The following SYK variants were observed in gnomAD, a reference collection of about 807,000 sequenced individuals.
The protein encoded by SYK is spleen associated tyrosine kinase.
In SYK, 16 loss-of-function variants were observed where a neutral mutation model predicts 77.8. The observed-to-expected ratio is 0.21, with a 90% confidence interval of 0.14 to 0.31. The LOEUF (loss-of-function observed/expected upper bound fraction) is 0.31, where lower values mean the gene tolerates loss of function less well. SYK is among the 10% of genes least tolerant of loss of function. The pLI is 1.00. For missense variants in SYK, 529 were observed against 814.4 expected (o/e 0.65, Z 4.26); for synonymous variants, 312 against 308.7 (o/e 1.01, Z -0.11).
At chr9:90,864,914 G>C (rs1827420076) in intron 5 of SYK, 134 bp from the exon 6 acceptor site, 27 of 899,888 alleles carry the variant, frequency 3.0e-5, no homozygotes. Context: ...AGGGTCGAAA[G>C]AAGTACCTGC....
At chr9:90,894,313 C>T (rs532361988) in intron 13 of SYK, among the ~76,000 whole-genome samples, 12 of 152,174 alleles carry the variant, frequency 7.9e-5, no homozygotes, top group Non-Finnish European at 1.8e-4. Flanking sequence ...CACTTGGTGG[C>T]CAGAGACAAA....
intron 1 of SYK, among the ~76,000 whole-genome samples, chr9:90,815,817 C>CT (rs1377549256): frequency 6.6e-6 from 1 of 152,218 alleles, no homozygotes; most frequent in African/African-American, 2.4e-5. Flanking sequence ...TGCGCTGCTG[C>CT]TCACTTCTGC....
intron 3 of SYK, among the ~76,000 whole-genome samples, chr9:90,849,539 G>A (rs72729049): frequency 0.11 from 16,530 of 152,278 alleles, 969 homozygotes; most frequent in South Asian, 0.22. Flanking sequence ...ATGTTGGGGA[G>A]GGAATGGGGA....
At chr9:90,888,687 GGGCGTCT>G in intron 13 of SYK, 60 bp downstream of exon 13, 2 of 1,290,316 alleles carry the variant, frequency 1.6e-6, no homozygotes, top group Admixed American at 5.8e-5. Flanking sequence ...TGAAATGGTT[GGGCGTCT>G]AAAAAAAAGG....
Position 90,866,897 on chromosome 9 carries a change from C to A in SYK, c.847-234C>A, listed in dbSNP as rs568638342. 5.9e-5 allele frequency among the ~76,000 whole-genome samples: 9 copies of A among 152,246 alleles called. No homozygotes were observed. The East Asian group carries it at 9.6e-4, about 16-fold the overall frequency. ...GAATGTAACAGCTCTAATTTTGTAGCCTTCAGTGGAACATATTTCCCAAAT... is the reference window on the plus strand; with the variant it reads ...GAATGTAACAGCTCTAATTTTGTAGACTTCAGTGGAACATATTTCCCAAAT... On this transcript the variant is annotated intron_variant, in intron 6 of 13. Coordinates refer to ENST00000375754, the MANE Select transcript of SYK (RefSeq NM_003177.7).
intron 3 of SYK, among the ~76,000 whole-genome samples, chr9:90,861,295 G>A (rs778903822): frequency 6.6e-6 from 1 of 152,120 alleles, no homozygotes; most frequent in Non-Finnish European, 1.5e-5. Flanking sequence ...CTGTGTTTCT[G>A]TTCACCAGGA....
At chr9:90,837,037 T>A (rs569898123) in intron 1 of SYK, among the ~76,000 whole-genome samples, 1 of 151,956 alleles carries the variant, frequency 6.6e-6, no homozygotes, top group East Asian at 1.9e-4. Flanking sequence ...ATATGATACA[T>A]ATAACATGCA....
At position 90,896,670 on chromosome 9, in the gene SYK, T is replaced by C. The variant is rs12344755; in HGVS notation, c.*1070T>C. ...GAGTTGAAGATACAAGATCGGAGAA[T>C]GATTTTCTGGTCTTAACTAATCCTC... On this transcript the variant is annotated 3_prime_UTR_variant, in exon 14 of 14. Transcript: ENST00000375754. The C allele has an allele frequency of 0.15, 34,227 of 232,238 alleles. 3,495 individuals are homozygous for C. Among genetic ancestry groups the C allele is most frequent in the East Asian group, 0.43 (7,114 of 16,428 alleles). 14.4% of individuals were successfully genotyped at this position (232,238 alleles called of 1,614,324 possible).
chr9:90,876,956 G>T (rs139596511), intron 9 of SYK, among the ~76,000 whole-genome samples: 1 of 152,176 alleles, frequency 6.6e-6, no homozygotes, highest in African/African-American at 2.4e-5. Context: ...ACATGTCATC[G>T]TTGGTGAAGT....
At position 90,887,822 on chromosome 9, in the gene SYK, A is replaced by G. The variant is rs199801793; in HGVS notation, c.1655A>G (p.Lys552Arg). Reference sequence around the variant, plus strand: ...ATCAACTACTACAAGTTCTCCAGCAAAAGCGATGTCTGGAGCTTTGGAGTG... The same window carrying G: ...ATCAACTACTACAAGTTCTCCAGCAGAAGCGATGTCTGGAGCTTTGGAGTG... Reference protein sequence around the residue: ...ECINYYKFSSKSDVWSFGVLM... With the variant: ...ECINYYKFSSRSDVWSFGVLM... The change falls in exon 12 of 14, where the codon AAA (lysine) becomes AGA (arginine). Residue 552 changes from lysine to arginine, a missense_variant. Physicochemically the swap from Lys to Arg is conservative, Grantham distance 26 (BLOSUM62 2). Transcript: ENST00000375754. The G allele has an allele frequency of 3.1e-6, 5 of 1,613,680 alleles. No individual in the cohort carries two copies. The highest frequency in any genetic ancestry group is 3.4e-6 in the Non-Finnish European group (4 of 1,179,822).
intron 7 of SYK, among the ~76,000 whole-genome samples, chr9:90,872,603 C>T (rs1827774474): frequency 6.6e-6 from 1 of 152,184 alleles, no homozygotes. Context: ...ACAGCACAGT[C>T]CTGTAATCAT....
rs567535954 is a variant in SYK, at chr9:90,814,834, G to GCA, written c.-42+12972_-42+12973dup. 3.1e-3 allele frequency among the ~76,000 whole-genome samples: 219 copies of GCA among 69,810 alleles called. 1 individual carries two copies. Among genetic ancestry groups the GCA allele is most frequent in the South Asian group, 8.0e-3 (13 of 1,626 alleles). 45.8% of individuals were successfully genotyped at this position (69,810 alleles called of 152,430 possible). On this transcript the variant is annotated intron_variant, in intron 1 of 13. Coordinates refer to ENST00000375754, the MANE Select transcript of SYK (RefSeq NM_003177.7). ...TTCTCCTGCACAACACAACACACGTGCACACACACACACACACACACACAC... is the reference window on the plus strand; with the variant it reads ...TTCTCCTGCACAACACAACACACGTGCACACACACACACACACACACACACAC...
intron 3 of SYK, among the ~76,000 whole-genome samples, chr9:90,852,795 T>A (rs999722131): frequency 1.3e-5 from 2 of 152,224 alleles, no homozygotes; most frequent in Non-Finnish European, 2.9e-5. Context: ...AAAATAGGCA[T>A]GTTTTCAACC....
chr9:90,840,928 T>C (rs116074796), intron 1 of SYK, among the ~76,000 whole-genome samples: 323 of 152,344 alleles, frequency 2.1e-3, no homozygotes, highest in African/African-American at 7.6e-3. Context: ...CTGATGCTCT[T>C]ACATTTTATA....
intron 5 of SYK, 94 bp from the exon 6 acceptor site, chr9:90,864,954 C>T (rs1827422924): frequency 1.6e-6 from 2 of 1,269,338 alleles, no homozygotes; most frequent in Admixed American, 3.4e-5. Context: ...CAAGCAGCAG[C>T]ACATCCTGAT....
At chr9:90,836,212 G>T (rs1826078508) in intron 1 of SYK, among the ~76,000 whole-genome samples, 1 of 151,914 alleles carries the variant, frequency 6.6e-6, no homozygotes, top group Admixed American at 6.6e-5. Context: ...GCGTGAACTG[G>T]GGAGGCGGAG....
intron 3 of SYK, among the ~76,000 whole-genome samples, chr9:90,853,235 A>G (rs1282238075): frequency 6.8e-6 from 1 of 147,640 alleles, no homozygotes; most frequent in Non-Finnish European, 1.5e-5. Context: ...CTGGACTATC[A>G]TCTAGTGTGT....
At chr9:90,817,506 T>C (rs961726106) in intron 1 of SYK, among the ~76,000 whole-genome samples, 3 of 152,166 alleles carry the variant, frequency 2.0e-5, no homozygotes, top group Admixed American at 1.3e-4. Flanking sequence ...CAACATTTCT[T>C]TTCTGGCCTT....
chr9:90,873,500 C>G (rs140158043), intron 7 of SYK, among the ~76,000 whole-genome samples: 20 of 152,264 alleles, frequency 1.3e-4, no homozygotes, highest in Admixed American at 7.8e-4. Context: ...ATTTCCCCCC[C>G]CAGTTGTTTC....
Sources: gnomAD v4.1 joint callset for allele counts (sites outside exome capture counted in the v4.1 genomes callset) on GRCh38, gnomAD v4.1.1 for gene constraint, MANE v1.5 for transcripts, NCBI Gene and HGNC (gene_info 2026-07-23, HGNC 2026-07-21) for gene names.